Variants in UNC5D observed in about 807,000 individuals in gnomAD.
The protein encoded by UNC5D is netrin receptor UNC5D.
In UNC5D, 39 loss-of-function variants were observed where a neutral mutation model predicts 105.4. That is an observed-to-expected ratio of 0.37 (90% CI 0.29 to 0.48). The LOEUF is 0.48. Among genes scored for constraint, UNC5D ranks in the 20% least tolerant of loss-of-function variants. UNC5D has a pLI of 0.98. For missense variants in UNC5D, 991 were observed against 1,202.4 expected (o/e 0.82, Z 2.60); for synonymous variants, 452 against 450.4 (o/e 1.00, Z -0.04).
In UNC5D at chr8:35,359,086, C is replaced by T. The variant is rs7813983; in HGVS notation, c.103+123199C>T. On this transcript the variant is annotated intron_variant, in intron 1 of 16. Transcript: ENST00000404895. ...GGATCACTTGAGCCCAGTAGTTCGA[C>T]GCTGCAATCAGCTGTGATTGCACCA... 9.2e-3 allele frequency among the ~76,000 whole-genome samples: 1,399 copies of T among 152,252 alleles called. 28 individuals carry two copies. The highest frequency in any genetic ancestry group is 0.033 in the African/African-American group (1,367 of 41,544).
chr8:35,656,489 C>G (rs1033876231), intron 4 of UNC5D, among the ~76,000 whole-genome samples: 1 of 152,100 alleles, frequency 6.6e-6, no homozygotes, highest in African/African-American at 2.4e-5. Flanking sequence ...AAGGGAAAAG[C>G]ATTAAGAGTT....
Position 35,497,047 on chromosome 8 carries a change from A to T in UNC5D, c.104-52245A>T, listed in dbSNP as rs1004515969. On this transcript the variant is annotated intron_variant, in intron 1 of 16. Transcript: ENST00000404895. ...ATTTAATATACCTTTTATATGACCC[A>T]GAAGCCCTCATAGGGAATGAAGACC... 2.0e-5 allele frequency among the ~76,000 whole-genome samples: 3 copies of T among 152,192 alleles called. 1 individual carries two copies. Among genetic ancestry groups the T allele is most frequent in the Non-Finnish European group, 4.4e-5 (3 of 68,028 alleles).
intron 1 of UNC5D, among the ~76,000 whole-genome samples, chr8:35,319,870 A>T (rs1372396797): frequency 6.6e-6 from 1 of 151,924 alleles, no homozygotes; most frequent in African/African-American, 2.4e-5. Context: ...AGGCCCAGAG[A>T]GACATTTAAA....
At chr8:35,273,367 T>C (rs1157914406) in intron 1 of UNC5D, among the ~76,000 whole-genome samples, 2 of 152,186 alleles carry the variant, frequency 1.3e-5, no homozygotes, top group Admixed American at 6.5e-5. Context: ...AAGAAATAGA[T>C]AGGTGTTTCA....
chr8:35,695,702 A>ATTTTT (rs1393464554), intron 7 of UNC5D, among the ~76,000 whole-genome samples: 1 of 148,260 alleles, frequency 6.7e-6, no homozygotes, highest in East Asian at 2.0e-4. Context: ...GCCAGAAAGT[A>ATTTTT]TTTTTATATT....
chr8:35,668,030 T>C (rs1262864394), intron 4 of UNC5D, among the ~76,000 whole-genome samples: 1 of 152,156 alleles, frequency 6.6e-6, no homozygotes, highest in African/African-American at 2.4e-5. Context: ...AAGATTGTTC[T>C]ACACAAGGAA....
At chr8:35,737,165 T>C (rs989632913) in intron 11 of UNC5D, among the ~76,000 whole-genome samples, 1 of 152,146 alleles carries the variant, frequency 6.6e-6, no homozygotes, top group Non-Finnish European at 1.5e-5. Flanking sequence ...TAGATTTTAA[T>C]GTTTCTAAAT....
At chr8:35,761,836 A>C (rs149364424) in intron 14 of UNC5D, among the ~76,000 whole-genome samples, 1 of 152,100 alleles carries the variant, frequency 6.6e-6, no homozygotes, top group Non-Finnish European at 1.5e-5. Flanking sequence ...TGGGCATTAG[A>C]TGTAAGCACT....
At chr8:35,582,480 G>A (rs1360685498) in intron 3 of UNC5D, among the ~76,000 whole-genome samples, 1 of 152,052 alleles carries the variant, frequency 6.6e-6, no homozygotes, top group Non-Finnish European at 1.5e-5. Context: ...CTTAAGGAAA[G>A]CAAAATGCAG....
intron 1 of UNC5D, among the ~76,000 whole-genome samples, chr8:35,345,601 AG>A (rs1563331129): frequency 6.6e-6 from 1 of 152,114 alleles, no homozygotes; most frequent in Non-Finnish European, 1.5e-5. Context: ...TGGGAAGAAG[AG>A]TAAACGTAGC....
chr8:35,559,748 C>T (rs1816823763), intron 2 of UNC5D, among the ~76,000 whole-genome samples: 1 of 152,210 alleles, frequency 6.6e-6, no homozygotes. Flanking sequence ...TTTCTTCCCT[C>T]CTCTTACATT....
rs190378423 is a variant in UNC5D at position 35,637,149 on chromosome 8, A to G, written c.570+41492A>G. On this transcript the variant is annotated intron_variant, in intron 4 of 16. Coordinates refer to ENST00000404895, the MANE Select transcript of UNC5D (RefSeq NM_080872.4). ...CAGTTTCCTAAAGTGGTTCCTAATT[A>G]TTAGCACACATTGTTTCTGTGTAAA... 2.0e-5 allele frequency among the ~76,000 whole-genome samples: 3 copies of G among 152,298 alleles called. No homozygotes were observed. In the East Asian group the frequency reaches 5.8e-4, roughly 29 times the overall value.
chr8:35,364,378 G>C (rs1802005726), intron 1 of UNC5D, among the ~76,000 whole-genome samples: 1 of 152,012 alleles, frequency 6.6e-6, no homozygotes, highest in Non-Finnish European at 1.5e-5. Flanking sequence ...TGAGGCCCCT[G>C]GAATGAGCTG....
rs932026454 is a variant in UNC5D at position 35,564,864 on chromosome 8, T to G, written c.323-3234T>G. 1.3e-4 allele frequency among the ~76,000 whole-genome samples: 20 copies of G among 152,354 alleles called. 1 individual carries two copies. The highest frequency in any genetic ancestry group is 2.6e-4 in the Non-Finnish European group (18 of 68,036). On this transcript the variant is annotated intron_variant, in intron 2 of 16. Transcript: ENST00000404895. ...CATGCAGTATTTGGTTTCCCATTCC[T>G]GAGCTACTTCATTTAGGAAAATGGT...
chr8:35,575,311 C>G (rs1057505093), intron 3 of UNC5D, among the ~76,000 whole-genome samples: 2 of 152,066 alleles, frequency 1.3e-5, no homozygotes, highest in Non-Finnish European at 2.9e-5. Context: ...GAAAAGCAAC[C>G]CTGCCAGTGT....
chr8:35,536,187 G>A (rs934364612), intron 1 of UNC5D, among the ~76,000 whole-genome samples: 30 of 152,178 alleles, frequency 2.0e-4, no homozygotes, highest in African/African-American at 7.0e-4. Context: ...AGCCCCCTCT[G>A]TTGTACAAGT....
At chr8:35,728,005 G>C (rs983689545) in intron 10 of UNC5D, 2 of 148,430 alleles carry the variant, frequency 1.3e-5, no homozygotes, top group Non-Finnish European at 3.0e-5. Flanking sequence ...AGGAGGCTGA[G>C]GTGGGGAAAT....
At chr8:35,263,374 A>G (rs1402906996) in intron 1 of UNC5D, among the ~76,000 whole-genome samples, 2 of 152,178 alleles carry the variant, frequency 1.3e-5, no homozygotes, top group South Asian at 2.1e-4. Flanking sequence ...GTAGCACATG[A>G]TACTTAATAA....
chr8:35,350,345 A>T (rs28412900), intron 1 of UNC5D, among the ~76,000 whole-genome samples: 66,131 of 151,812 alleles, frequency 0.44, 14,687 homozygotes, highest in East Asian at 0.7. Flanking sequence ...AGGCAATTAC[A>T]GCAATCTGAC....
Sources: allele counts gnomAD v4.1 joint callset (sites outside exome capture counted in the v4.1 genomes callset), GRCh38; gene constraint gnomAD v4.1.1; transcripts MANE v1.5; gene names NCBI Gene and HGNC (gene_info 2026-07-23, HGNC 2026-07-21).